Variants in NRG2 observed in about 807,000 individuals in gnomAD.
NRG2 encodes neuregulin 2, also known as pro-neuregulin-2, membrane-bound isoform.
NRG2 carries 27 observed loss-of-function variants against 73.9 expected under a neutral mutation model. That is an observed-to-expected ratio of 0.37 (90% CI 0.27 to 0.50). The LOEUF (loss-of-function observed/expected upper bound fraction) is 0.50. Among genes scored for constraint, NRG2 ranks in the 20% least tolerant of loss-of-function variants. The probability of loss-of-function intolerance (pLI) is 0.96; values close to 1 mark genes in which losing one functional copy is unlikely to be tolerated. For synonymous variants in NRG2, 532 were observed against 541.0 expected (o/e 0.98, Z 0.23); for missense variants, 1,126 against 1,210.1 (o/e 0.93, Z 1.03).
intron 1 of NRG2, among the ~76,000 whole-genome samples, chr5:140,037,165 T>C (rs1761565988): frequency 6.6e-6 from 1 of 152,230 alleles, no homozygotes; most frequent in South Asian, 2.1e-4. Flanking sequence ...AAAGCAATCA[T>C]GCACTGTGGA....
chr5:139,894,173 C>T lies in NRG2; in HGVS notation c.701-6662G>A, dbSNP rs1284907867. ...AGACGCTCAGGACATGGCTGGGCAA[C>T]CCAGCCAGGGAGGACCTGGCTCTGC... On this transcript the variant is annotated intron_variant, in intron 1 of 9. Coordinates refer to ENST00000361474, the MANE Select transcript of NRG2 (RefSeq NM_004883.3). The surrounding 1 kb of genome is among the most constrained non-coding windows in gnomAD (Gnocchi z 5.0). Among the ~76,000 whole-genome samples the T allele has an allele frequency of 2.0e-5, 3 of 152,226 alleles. No homozygotes were observed. Among genetic ancestry groups the T allele is most frequent in the African/African-American group, 7.2e-5 (3 of 41,454 alleles).
At chr5:140,028,822 A>C (rs1760904789) in intron 1 of NRG2, among the ~76,000 whole-genome samples, 1 of 152,000 alleles carries the variant, frequency 6.6e-6, no homozygotes, top group African/African-American at 2.4e-5. Context: ...AGTGTGGTGG[A>C]TGTGATGCTA....
At chr5:139,962,653 T>C (rs1755167319) in intron 1 of NRG2, among the ~76,000 whole-genome samples, 1 of 152,124 alleles carries the variant, frequency 6.6e-6, no homozygotes, top group African/African-American at 2.4e-5. Flanking sequence ...GGCTTCTTCA[T>C]CCTTCCCAAG....
At chr5:140,033,855 A>G (rs570005979) in intron 1 of NRG2, among the ~76,000 whole-genome samples, 3 of 152,344 alleles carry the variant, frequency 2.0e-5, no homozygotes, top group East Asian at 3.9e-4. Context: ...TTTAATACTC[A>G]TAGCAATTCT....
At chr5:140,010,067 G>A (rs989941931) in intron 1 of NRG2, among the ~76,000 whole-genome samples, 1 of 152,138 alleles carries the variant, frequency 6.6e-6, no homozygotes, top group Non-Finnish European at 1.5e-5. Context: ...AGAGGCCAAG[G>A]TGGGTGGATC....
intron 1 of NRG2, among the ~76,000 whole-genome samples, chr5:139,908,526 C>CTAT (rs1344206991): frequency 6.6e-6 from 1 of 152,172 alleles, no homozygotes; most frequent in African/African-American, 2.4e-5. Context: ...AGTAGGTCTA[C>CTAT]TATTATTCCC....
chr5:139,862,956 T>C (rs1174482738), intron 5 of NRG2, among the ~76,000 whole-genome samples: 1 of 152,244 alleles, frequency 6.6e-6, no homozygotes, highest in Non-Finnish European at 1.5e-5. Flanking sequence ...CTAGATGCTA[T>C]CTGGGCAGGT....
intron 1 of NRG2, among the ~76,000 whole-genome samples, chr5:139,994,336 C>T (rs1472267264): frequency 2.0e-5 from 3 of 152,214 alleles, no homozygotes; most frequent in African/African-American, 7.2e-5. Flanking sequence ...ATTGCAAACT[C>T]TTCACATTTG....
intron 1 of NRG2, among the ~76,000 whole-genome samples, chr5:139,958,479 T>C (rs1043461564): frequency 2.0e-5 from 3 of 152,144 alleles, no homozygotes; most frequent in African/African-American, 4.8e-5. Context: ...TTGGGAGTTA[T>C]TTGAGCTGAA....
Position 139,991,999 on chromosome 5 carries a change from C to A in NRG2, c.700+50371G>T, listed in dbSNP as rs932906054. ...ATATTTGGTGAGGCAAATCTTCTCT[C>A]CCTACTTTTCTTTTTTCAGTATTTT... is the stretch of plus-strand genomic sequence containing the variant. On this transcript the variant is annotated intron_variant, in intron 1 of 9. Coordinates refer to ENST00000361474, the MANE Select transcript of NRG2 (RefSeq NM_004883.3). Among the ~76,000 whole-genome samples, 5 of 152,066 alleles carry A rather than the reference C, an allele frequency of 3.3e-5. No homozygotes were observed. In the East Asian group the frequency reaches 9.6e-4, roughly 29 times the overall value.
At chr5:139,941,382 G>A (rs1753391263) in intron 1 of NRG2, among the ~76,000 whole-genome samples, 1 of 151,324 alleles carries the variant, frequency 6.6e-6, no homozygotes, top group African/African-American at 2.4e-5. Flanking sequence ...TTTTTGGGGG[G>A]TGGGGGATAA....
chr5:140,034,763 C>A (rs949182524), intron 1 of NRG2, among the ~76,000 whole-genome samples: 2 of 151,750 alleles, frequency 1.3e-5, no homozygotes, highest in African/African-American at 4.8e-5. Flanking sequence ...GAATAGAATA[C>A]CATAGCAAAA....
chr5:140,007,986 G>A (rs1192899655), intron 1 of NRG2, among the ~76,000 whole-genome samples: 1 of 152,172 alleles, frequency 6.6e-6, no homozygotes, highest in African/African-American at 2.4e-5. Context: ...ATTCCTTACA[G>A]CATCTCAGTC....
At chr5:139,966,861 C>A (rs925209259) in intron 1 of NRG2, among the ~76,000 whole-genome samples, 1 of 152,148 alleles carries the variant, frequency 6.6e-6, no homozygotes, top group Non-Finnish European at 1.5e-5. Context: ...AAGCTCAGAG[C>A]ATACCTGCTC....
At chr5:139,945,516 T>C (rs1224231399) in intron 1 of NRG2, among the ~76,000 whole-genome samples, 1 of 152,136 alleles carries the variant, frequency 6.6e-6, no homozygotes, top group East Asian at 1.9e-4. Context: ...TATGTGTCTG[T>C]TTTTATGGCA....
rs777272519 is a variant in NRG2, at chr5:139,880,929, A to G, written c.918T>C (p.Ala306=). 4.3e-6 allele frequency: 7 copies of G among 1,614,110 alleles called. No individual in the cohort carries two copies. In the South Asian group the frequency reaches 4.4e-5, roughly 10 times the overall value. The stretch of plus-strand genomic sequence containing the variant: ...TCTCGGCCTCGCAGACATACTCCCC[A>G]GCGTCCTCCACCTTCACCTTGTTGA... ...LQFNKVKVED[A]GEYVCEAENI... is the part of the protein sequence containing the mutation. The change falls in exon 3 of 10, where the codon GCT becomes GCC. Residue 306 remains alanine, a synonymous_variant. Transcript: ENST00000361474.
At chr5:139,997,510 A>G (rs1580906823) in intron 1 of NRG2, among the ~76,000 whole-genome samples, 1 of 152,244 alleles carries the variant, frequency 6.6e-6, no homozygotes, top group African/African-American at 2.4e-5. Context: ...CTCTTTAGTG[A>G]AAGAGGGAAG....
chr5:139,865,256 A>G lies in NRG2; in HGVS notation c.1189+293T>C, dbSNP rs1762410310. 4.3e-6 allele frequency: 5 copies of G among 1,161,524 alleles called. No homozygotes were observed. Among genetic ancestry groups the G allele is most frequent in the Admixed American group, 3.5e-5 (2 of 56,412 alleles). 72.0% of individuals were successfully genotyped at this position (1,161,524 alleles called of 1,614,324 possible). On this transcript the variant is annotated intron_variant, in intron 5 of 9. Coordinates refer to ENST00000361474, the MANE Select transcript of NRG2 (RefSeq NM_004883.3). The surrounding 1 kb of genome is among the most constrained non-coding windows in gnomAD (Gnocchi z 5.2). ...CAACACCCCGGCACGGGCTCCTGCC[A>G]ATGCCAGCTGGGTTCCTTGCCACCG... is the stretch of plus-strand genomic sequence containing the variant.
chr5:139,951,525 C>G (rs1298217708), intron 1 of NRG2, among the ~76,000 whole-genome samples: 1 of 152,128 alleles, frequency 6.6e-6, no homozygotes, highest in East Asian at 1.9e-4. Flanking sequence ...CTGCTGGGGG[C>G]CCTTTGGAAG....
Sources: allele counts gnomAD v4.1 joint callset (sites outside exome capture counted in the v4.1 genomes callset), GRCh38; gene constraint gnomAD v4.1.1; non-coding constraint Gnocchi (gnomAD v3.1); transcripts MANE v1.5; gene names NCBI Gene and HGNC (gene_info 2026-07-23, HGNC 2026-07-21).